The following GPC6 variants were observed in gnomAD, a reference collection of about 807,000 sequenced individuals.
GPC6 encodes glypican 6.
Under a neutral mutation model 55.2 loss-of-function variants are expected in GPC6, and 14 were observed. That is an observed-to-expected ratio of 0.25 (90% CI 0.17 to 0.40). The LOEUF (loss-of-function observed/expected upper bound fraction) is 0.40. GPC6 is among the 10% of genes least tolerant of loss of function. The pLI, the probability that GPC6 is intolerant of heterozygous loss-of-function variation, is 1.00. For synonymous variants in GPC6, 278 were observed against 259.6 expected, an observed-to-expected ratio of 1.07 and a Z score of -0.68; for missense variants, 641 against 708.5, an observed-to-expected ratio of 0.90 and a Z score of 1.08.
At chr13:94,301,370 C>G (rs1239864303) in intron 5 of GPC6, among the ~76,000 whole-genome samples, 1 of 151,984 alleles carries the variant, frequency 6.6e-6, no homozygotes, top group Admixed American at 6.6e-5. Context: ...GCACTCCAGT[C>G]TGGGCAACGG....
intron 6 of GPC6, among the ~76,000 whole-genome samples, chr13:94,378,005 A>G (rs948877916): frequency 7.2e-5 from 11 of 152,072 alleles, no homozygotes; most frequent in African/African-American, 2.4e-4. Flanking sequence ...ATGAGAACAC[A>G]TGGACAAAGG....
intron 3 of GPC6, among the ~76,000 whole-genome samples, chr13:93,944,075 G>A (rs537209258): frequency 6.6e-6 from 1 of 152,194 alleles, no homozygotes; most frequent in Non-Finnish European, 1.5e-5. Flanking sequence ...GCAGTACAGT[G>A]GCAGTTTATT....
intron 4 of GPC6, among the ~76,000 whole-genome samples, chr13:94,223,330 A>T (rs1890444852): frequency 6.6e-6 from 1 of 152,192 alleles, no homozygotes; most frequent in Non-Finnish European, 1.5e-5. Flanking sequence ...GATGCAGAGA[A>T]TGAAACTGAC....
intron 4 of GPC6, among the ~76,000 whole-genome samples, chr13:94,042,284 C>T (rs1426700869): frequency 6.6e-6 from 1 of 151,782 alleles, no homozygotes; most frequent in Non-Finnish European, 1.5e-5. Context: ...TCCTGTACAC[C>T]CTGCAGAACT....
At chr13:93,943,354 G>C (rs953657234) in intron 3 of GPC6, among the ~76,000 whole-genome samples, 6 of 152,108 alleles carry the variant, frequency 3.9e-5, no homozygotes, top group Admixed American at 2.6e-4. Context: ...AACCCAATGA[G>C]ATGCGTACCC....
intron 4 of GPC6, among the ~76,000 whole-genome samples, chr13:94,259,526 A>C (rs185262261): frequency 6.6e-6 from 1 of 152,224 alleles, no homozygotes; most frequent in East Asian, 1.9e-4. Context: ...AAATATTTTA[A>C]CGATTTTTTG....
intron 1 of GPC6, among the ~76,000 whole-genome samples, chr13:93,292,795 C>T (rs1878360512): frequency 6.6e-6 from 1 of 152,062 alleles, no homozygotes; most frequent in African/African-American, 2.4e-5. Flanking sequence ...TTCAAATATA[C>T]AGTATTTAAA....
intron 4 of GPC6, among the ~76,000 whole-genome samples, chr13:94,239,202 T>C (rs1890975161): frequency 6.6e-6 from 1 of 152,074 alleles, no homozygotes; most frequent in Admixed American, 6.6e-5. Context: ...GGTTTAATTG[T>C]CTCCAGCTGA....
intron 1 of GPC6, among the ~76,000 whole-genome samples, chr13:93,331,278 C>T (rs1175471434): frequency 2.0e-5 from 3 of 152,064 alleles, no homozygotes; most frequent in African/African-American, 4.8e-5. Flanking sequence ...CATTTCTGTC[C>T]TTCGAAAGGA....
At chr13:94,302,651 C>T (rs1241228557) in intron 5 of GPC6, among the ~76,000 whole-genome samples, 1 of 152,168 alleles carries the variant, frequency 6.6e-6, no homozygotes, top group African/African-American at 2.4e-5. Context: ...CCTTTGTAAA[C>T]CATTCTCATT....
chr13:94,229,323 C>T (rs943219618), intron 4 of GPC6, among the ~76,000 whole-genome samples: 1 of 152,058 alleles, frequency 6.6e-6, no homozygotes, highest in Admixed American at 6.6e-5. Context: ...GCTTACTTTC[C>T]AACACACACA....
At chr13:94,304,450 A>T (rs1159490709) in intron 5 of GPC6, among the ~76,000 whole-genome samples, 1 of 152,238 alleles carries the variant, frequency 6.6e-6, no homozygotes, top group East Asian at 1.9e-4. Context: ...GACAACACAG[A>T]ATGAAATAAC....
At chr13:94,314,680 C>T (rs562601742) in intron 6 of GPC6, among the ~76,000 whole-genome samples, 9 of 152,238 alleles carry the variant, frequency 5.9e-5, no homozygotes, top group South Asian at 4.2e-4. Flanking sequence ...GGAAAATCTG[C>T]GACAATATTT....
chr13:93,988,864 A>C (rs944333506), intron 3 of GPC6, among the ~76,000 whole-genome samples: 3 of 152,224 alleles, frequency 2.0e-5, no homozygotes, highest in African/African-American at 7.2e-5. Context: ...AAGAATGTTA[A>C]TGCTAAAATA....
chr13:93,449,437 G>T (rs138380738), intron 1 of GPC6, among the ~76,000 whole-genome samples: 1 of 152,300 alleles, frequency 6.6e-6, no homozygotes, highest in Non-Finnish European at 1.5e-5. Flanking sequence ...GATGATGATT[G>T]TTGGCTGGGT....
At chr13:94,206,542 G>T (rs1311948576) in intron 4 of GPC6, among the ~76,000 whole-genome samples, 3 of 152,050 alleles carry the variant, frequency 2.0e-5, no homozygotes, top group Non-Finnish European at 4.4e-5. Flanking sequence ...CTCTCCCACG[G>T]CTAGCTAATT....
intron 2 of GPC6, among the ~76,000 whole-genome samples, chr13:93,624,982 G>GT (rs1879142404): frequency 6.6e-6 from 1 of 152,100 alleles, no homozygotes; most frequent in Non-Finnish European, 1.5e-5. Flanking sequence ...CTGGCAAATT[G>GT]TTTTCTATGA....
chr13:94,243,392 T>C (rs1254665298), intron 4 of GPC6, among the ~76,000 whole-genome samples: 1 of 151,998 alleles, frequency 6.6e-6, no homozygotes, highest in East Asian at 1.9e-4. Flanking sequence ...TCAAAATCAT[T>C]GCTTCCAGAA....
chr13:93,800,471 G>A (rs533840931), intron 2 of GPC6, among the ~76,000 whole-genome samples: 116 of 152,274 alleles, frequency 7.6e-4, no homozygotes, highest in African/African-American at 2.5e-3. Flanking sequence ...ACTTCACTAT[G>A]ATCTCTATGT....
Sources: gnomAD v4.1 joint callset for allele counts (sites outside exome capture counted in the v4.1 genomes callset) on GRCh38, gnomAD v4.1.1 for gene constraint, MANE v1.5 for transcripts, NCBI Gene and HGNC (gene_info 2026-07-23, HGNC 2026-07-21) for gene names.